Variants in POC1B observed in about 807,000 individuals in gnomAD.
POC1B encodes the protein POC1 centriolar protein homolog B.
Under a neutral mutation model 60.6 loss-of-function variants are expected in POC1B, and 44 were observed. The ratio of observed to expected loss-of-function variants is 0.73; its 90% confidence interval spans 0.57 to 0.93. The LOEUF (loss-of-function observed/expected upper bound fraction) is 0.93, where lower values mean the gene tolerates loss of function less well. Among genes scored for constraint, POC1B ranks in the 40% least tolerant of loss-of-function variants. The pLI is 0.00. For missense variants in POC1B, 555 were observed against 572.3 expected, an observed-to-expected ratio of 0.97 and a Z score of 0.31; for synonymous variants, 180 against 198.9, an observed-to-expected ratio of 0.90 and a Z score of 0.80.
At chr12:89,448,514 A>G (rs1881886340) in intron 10 of POC1B, among the ~76,000 whole-genome samples, 1 of 152,256 alleles carries the variant, frequency 6.6e-6, no homozygotes, top group African/African-American at 2.4e-5. Context: ...TTCTCAACAG[A>G]CAGACAAAAA....
downstream of POC1B, among the ~76,000 whole-genome samples, chr12:89,419,258 T>A (rs539144630): frequency 6.6e-6 from 1 of 152,018 alleles, no homozygotes; most frequent in South Asian, 2.1e-4. Context: ...AGCTGGATAT[T>A]CAAGTTAGGA....
At chr12:89,516,481 C>A (rs1870445855) in intron 2 of POC1B, among the ~76,000 whole-genome samples, 2 of 152,134 alleles carry the variant, frequency 1.3e-5, no homozygotes, top group African/African-American at 4.8e-5. Context: ...TTACTATAAT[C>A]CCCCTAAGTG....
chr12:89,437,420 C>T (rs1277805114), intron 10 of POC1B, among the ~76,000 whole-genome samples: 7 of 152,122 alleles, frequency 4.6e-5, no homozygotes, highest in South Asian at 4.1e-4. Context: ...CTGAAATGTC[C>T]GGTTTCCTGA....
intron 4 of POC1B, among the ~76,000 whole-genome samples, chr12:89,480,111 T>C (rs1883262835): frequency 6.6e-6 from 1 of 151,868 alleles, no homozygotes; most frequent in Non-Finnish European, 1.5e-5. Context: ...ATATTATGTT[T>C]TGAAAACTGG....
chr12:89,452,776 A>C (rs1231763193), intron 10 of POC1B, among the ~76,000 whole-genome samples: 1 of 152,144 alleles, frequency 6.6e-6, no homozygotes, highest in Non-Finnish European at 1.5e-5. Context: ...ACAGCTATAC[A>C]GATTATCTAT....
At chr12:89,459,255 GTTGTGGGGT>G (rs1882376649) in intron 10 of POC1B, among the ~76,000 whole-genome samples, 1 of 151,896 alleles carries the variant, frequency 6.6e-6, no homozygotes, top group South Asian at 2.1e-4. Flanking sequence ...ACCAGGGCCT[GTTGTGGGGT>G]GGGGTGGCAG....
At chr12:89,476,744 A>G in intron 4 of POC1B, among the ~76,000 whole-genome samples, 1 of 128,178 alleles carries the variant, frequency 7.8e-6, no homozygotes, top group Non-Finnish European at 1.6e-5. Context: ...ATAGATAGAT[A>G]GATAGATAGA....
intron 2 of POC1B, chr12:89,523,363 T>C (rs370022216): frequency 7.4e-6 from 12 of 1,613,970 alleles, no homozygotes; most frequent in African/African-American, 4.0e-5. Flanking sequence ...AGGGTTTCTA[T>C]TGTAGAAGTG....
At chr12:89,485,733 C>T (rs1391127637) in intron 4 of POC1B, among the ~76,000 whole-genome samples, 2 of 152,148 alleles carry the variant, frequency 1.3e-5, no homozygotes, top group Non-Finnish European at 2.9e-5. Context: ...CCTGGATTTG[C>T]TAGAAAAGAT....
At chr12:89,431,059 C>T (rs747831893) in intron 10 of POC1B, among the ~76,000 whole-genome samples, 1 of 151,960 alleles carries the variant, frequency 6.6e-6, no homozygotes, top group Non-Finnish European at 1.5e-5. Context: ...TAAAGGCATA[C>T]TTGATAGCTT....
chr12:89,498,927 A>G (rs1869393858), intron 2 of POC1B, among the ~76,000 whole-genome samples: 1 of 152,174 alleles, frequency 6.6e-6, no homozygotes, highest in South Asian at 2.1e-4. Context: ...TTTATATATT[A>G]TTTACTCATC....
At chr12:89,470,310 A>G (rs1483962332) in intron 7 of POC1B, 51 bp downstream of exon 7, 13 of 989,814 alleles carry the variant, frequency 1.3e-5, no homozygotes, top group Non-Finnish European at 1.7e-5. Flanking sequence ...TTTAAAATAT[A>G]TATTATTTTA....
chr12:89,435,097 ATATT>A (rs1188166442), intron 10 of POC1B, among the ~76,000 whole-genome samples: 1 of 152,176 alleles, frequency 6.6e-6, no homozygotes, highest in East Asian at 1.9e-4. Context: ...TTAATAAAAA[ATATT>A]TAACCCTATG....
intron 4 of POC1B, among the ~76,000 whole-genome samples, chr12:89,485,109 A>G (rs1317813732): frequency 6.6e-6 from 1 of 152,230 alleles, no homozygotes; most frequent in Non-Finnish European, 1.5e-5. Flanking sequence ...CTTATGTTTC[A>G]GACTCTCCTA....
downstream of POC1B, among the ~76,000 whole-genome samples, chr12:89,415,597 C>G (rs1212977734): frequency 6.6e-6 from 1 of 151,394 alleles, no homozygotes; most frequent in South Asian, 2.1e-4. Flanking sequence ...GAGCCGAGAT[C>G]GCGCCACTGC....
In POC1B at chr12:89,455,297, T is replaced by C. The variant is rs116856554; in HGVS notation, c.1113+4341A>G. On this transcript the variant is annotated intron_variant, in intron 10 of 11. Transcript: ENST00000313546. The stretch of plus-strand genomic sequence containing the variant: ...CTGCAGTGAGCCGAGACAGTGCCAC[T>C]GCACTTCAGCCTGGGTGACAGAGTG... 5.2e-4 allele frequency among the ~76,000 whole-genome samples: 79 copies of C among 152,272 alleles called. 1 individual carries two copies. In the East Asian group the frequency reaches 0.014, roughly 27 times the overall value.
At position 89,450,292 on chromosome 12, in the gene POC1B, A is replaced by G. The variant is rs574600915; in HGVS notation, c.1113+9346T>C. Among the ~76,000 whole-genome samples the G allele has an allele frequency of 1.0e-3, 154 of 151,624 alleles. 2 individuals carry two copies. Among genetic ancestry groups the G allele is most frequent in the African/African-American group, 3.6e-3 (150 of 41,290 alleles). Reference sequence around the variant, plus strand: ...GCACGATCTTGGCTCACTGCAACCTATGCCTCTAGGGTTCAAGCAATTCTC... The same window carrying G: ...GCACGATCTTGGCTCACTGCAACCTGTGCCTCTAGGGTTCAAGCAATTCTC... On this transcript the variant is annotated intron_variant, in intron 10 of 11. Coordinates refer to ENST00000313546, the MANE Select transcript of POC1B (RefSeq NM_172240.3).
chr12:89,444,085 C>T (rs576915359), intron 10 of POC1B, among the ~76,000 whole-genome samples: 1 of 152,276 alleles, frequency 6.6e-6, no homozygotes, highest in South Asian at 2.1e-4. Flanking sequence ...AGACCAATAA[C>T]AGGCTCTGAA....
intron 10 of POC1B, among the ~76,000 whole-genome samples, chr12:89,447,242 AT>A (rs912439817): frequency 1.5e-4 from 23 of 152,340 alleles, no homozygotes; most frequent in South Asian, 8.3e-4. Context: ...ACTTAAAAAA[AT>A]AATATGACAT....
Sources: allele counts gnomAD v4.1 joint callset (sites outside exome capture counted in the v4.1 genomes callset), GRCh38; gene constraint gnomAD v4.1.1; transcripts MANE v1.5; gene names NCBI Gene and HGNC (gene_info 2026-07-23, HGNC 2026-07-21).